Variants in ABCC6 observed in about 807,000 individuals in gnomAD.
The protein encoded by ABCC6 is ATP-binding cassette sub-family C member 6.
A neutral mutation model predicts 169.5 loss-of-function variants in ABCC6; 126 were observed. That is an observed-to-expected ratio of 0.74 (90% CI 0.64 to 0.86). ABCC6 has a LOEUF of 0.86. Ranked by LOEUF, ABCC6 falls within the 40% of genes least tolerant of loss-of-function variation. The pLI is 0.00. For synonymous variants in ABCC6, 752 were observed against 814.7 expected (o/e 0.92, Z 1.31); for missense variants, 1,733 against 1,927.2 (o/e 0.90, Z 1.89).
intron 27 of ABCC6, chr16:16,155,418 A>T (rs1345815408): frequency 3.4e-6 from 1 of 294,800 alleles, no homozygotes; most frequent in African/African-American, 2.2e-5. Flanking sequence ...CCTGCCATCC[A>T]TCCATCCATC....
rs1437867751 is a variant in ABCC6 at position 16,182,461 on chromosome 16, G to A, written c.2198C>T (p.Pro733Leu). Residue 733 changes from proline (P) to leucine (L), a missense_variant, in exon 17 of 31, where the codon CCA (proline) becomes CTA (leucine). Transcript: ENST00000205557. The part of the protein sequence containing the change: ...ERVLEACALQ[P>L]DVDSFPEGIH... ...TCCCTCAGGGAAGCTGTCCACATCT[G>A]GCTGCAGGGCACAGGCTTCTAGTAC... The A allele has an allele frequency of 1.2e-6, 2 of 1,614,138 alleles. No individual in the cohort carries two copies. Among genetic ancestry groups the A allele is most frequent in the Non-Finnish European group, 1.7e-6 (2 of 1,180,036 alleles).
At chr16:16,182,341 G>A in intron 17 of ABCC6, 71 bp downstream of exon 17, 1 of 1,575,758 alleles carries the variant, frequency 6.3e-7, no homozygotes, top group Non-Finnish European at 8.7e-7. Context: ...TACTGCCCAT[G>A]ATGAGTCGGG....
intron 22 of ABCC6, among the ~76,000 whole-genome samples, chr16:16,167,721 G>A (rs1596618450): frequency 6.6e-6 from 1 of 152,124 alleles, no homozygotes; most frequent in East Asian, 1.9e-4. Context: ...CACCCGCCTC[G>A]GCCTCCCAAA....
Position 16,150,019 on chromosome 16 carries a change from C to A in ABCC6, c.*114G>T. 1 of 1,485,486 alleles carries A rather than the reference C, an allele frequency of 6.7e-7. No individual in the cohort carries two copies. Among genetic ancestry groups the A allele is most frequent in the Non-Finnish European group, 9.2e-7 (1 of 1,087,748 alleles). 92.0% of individuals were successfully genotyped at this position (1,485,486 alleles called of 1,614,324 possible). ...TGCCATTTTCCTCCCAGAGAGCAAACACAGGTCTAGACTCAATATCGTGTG... is the reference window on the plus strand; with the variant it reads ...TGCCATTTTCCTCCCAGAGAGCAAAAACAGGTCTAGACTCAATATCGTGTG... On this transcript the variant is annotated 3_prime_UTR_variant, in exon 31 of 31. Coordinates refer to ENST00000205557, the MANE Select transcript of ABCC6 (RefSeq NM_001171.6).
chr16:16,204,388 A>G (rs2048330645), intron 7 of ABCC6, among the ~76,000 whole-genome samples: 1 of 152,084 alleles, frequency 6.6e-6, no homozygotes, highest in Non-Finnish European at 1.5e-5. Flanking sequence ...CGTGTTGTCA[A>G]CCTGGAGGAA....
Position 16,149,929 on chromosome 16 carries a change from G to C in ABCC6, c.*204C>G. 1 of 746,146 alleles carries C rather than the reference G, an allele frequency of 1.3e-6. No individual in the cohort carries two copies. The highest frequency in any genetic ancestry group is 1.7e-5 in the South Asian group (1 of 59,864). The allele number at this position is 746,146 out of a possible 1,614,324, so 46.2% of individuals were successfully genotyped here. ...GGACAGGGCGAGATGGGCCCTGCCC[G>C]GGCAGACCTGTGTATTGCTAGGTCC... On this transcript the variant is annotated 3_prime_UTR_variant, in exon 31 of 31. Coordinates refer to ENST00000205557, the MANE Select transcript of ABCC6 (RefSeq NM_001171.6).
At chr16:16,166,274 C>T (rs975792388) in intron 22 of ABCC6, among the ~76,000 whole-genome samples, 3 of 152,032 alleles carry the variant, frequency 2.0e-5, no homozygotes, top group African/African-American at 7.2e-5. Flanking sequence ...GTCTCGAACT[C>T]CTGGGATCAA....
intron 6 of ABCC6, among the ~76,000 whole-genome samples, chr16:16,209,221 T>G (rs1352459007): frequency 6.6e-6 from 1 of 151,948 alleles, no homozygotes; most frequent in African/African-American, 2.4e-5. Flanking sequence ...GTAGCTGGGA[T>G]TACAGGCACC....
At position 16,190,485 on chromosome 16, in the gene ABCC6, G is replaced by A; in HGVS notation, c.1432-118C>T. 16 of 1,130,568 alleles carry A rather than the reference G, an allele frequency of 1.4e-5. 1 individual carries two copies. The highest frequency in any genetic ancestry group is 9.1e-5 in the South Asian group (7 of 77,026). The allele number at this position is 1,130,568 out of a possible 1,614,324, so 70.0% of individuals were successfully genotyped here. ...TCTCACCAAACTGCGTCCCAAACCT[G>A]TCTGCCTCTCAGCACCTCTGACCCT... On this transcript the variant is annotated intron_variant, in intron 11 of 30. Transcript: ENST00000205557.
At chr16:16,163,267 C>A in intron 23 of ABCC6, 75 bp from the exon 24 acceptor site, 2 of 1,414,376 alleles carry the variant, frequency 1.4e-6, no homozygotes, top group South Asian at 2.4e-5. Flanking sequence ...GCACAGAGAG[C>A]CCCAAGTACA....
intron 17 of ABCC6, among the ~76,000 whole-genome samples, chr16:16,179,403 A>C (rs1290647404): frequency 1.3e-5 from 2 of 152,080 alleles, no homozygotes; most frequent in Non-Finnish European, 2.9e-5. Flanking sequence ...TAACTATTCG[A>C]GGGGCACAAG....
In ABCC6 at chr16:16,163,176, C is replaced by T; in HGVS notation, c.3323G>A (p.Ser1108Asn). The T allele has an allele frequency of 6.2e-7, 1 of 1,613,496 alleles. No homozygotes were observed. Among genetic ancestry groups the T allele is most frequent in the Non-Finnish European group, 8.5e-7 (1 of 1,180,016 alleles). The change falls in exon 24 of 31, where the codon AGC (serine) becomes AAC (asparagine). Residue 1108 changes from serine to asparagine, a missense_variant. Ser to Asn is a conservative substitution (Grantham distance 46, BLOSUM62 1). Transcript: ENST00000205557. ...YAGFQSLYVV[S>N]SCQLRRLESA... ...CTCCAAGCGTCTCAGCTGGCATGAG[C>T]TAACCACATACAGGCTCTGAGAAGG... is the stretch of plus-strand genomic sequence containing the variant.
At chr16:16,191,686 CTCA>C (rs2047861052) in intron 11 of ABCC6, among the ~76,000 whole-genome samples, 1 of 147,328 alleles carries the variant, frequency 6.8e-6, no homozygotes, top group Non-Finnish European at 1.5e-5. Flanking sequence ...CCTTCTCTCC[CTCA>C]TTCCTTCTCT....
rs886372891 is a variant in ABCC6, at chr16:16,167,095, C to T, written c.2996-1162G>A. Among the ~76,000 whole-genome samples the T allele has an allele frequency of 2.4e-4, 37 of 152,202 alleles. 1 individual carries two copies. The highest frequency in any genetic ancestry group is 1.0e-4 in the Non-Finnish European group (7 of 68,040). On this transcript the variant is annotated intron_variant, in intron 22 of 30. Transcript: ENST00000205557. ...GCACATCCTTCCTCCCAGTGCTAATCTGTATGCCTGGGGTGGGGCTAACTT... is the reference window on the plus strand; with the variant it reads ...GCACATCCTTCCTCCCAGTGCTAATTTGTATGCCTGGGGTGGGGCTAACTT...
At chr16:16,183,077 T>A in intron 15 of ABCC6, 147 bp from the exon 16 acceptor site, 1 of 1,279,166 alleles carries the variant, frequency 7.8e-7, no homozygotes, top group Non-Finnish European at 1.1e-6. Flanking sequence ...AGTCCTTGTC[T>A]AGCTATTTGA....
At chr16:16,186,897 T>C (rs2047668770) in intron 14 of ABCC6, among the ~76,000 whole-genome samples, 3 of 151,982 alleles carry the variant, frequency 2.0e-5, no homozygotes, top group African/African-American at 7.3e-5. Flanking sequence ...ACACCCAGGA[T>C]GGTACAAAGT....
At position 16,208,722 on chromosome 16, in the gene ABCC6, A is replaced by T. The variant is rs1413362277; in HGVS notation, c.794+6T>A. 1 of 1,613,218 alleles carries T rather than the reference A, an allele frequency of 6.2e-7. No individual in the cohort carries two copies. Among genetic ancestry groups the T allele is most frequent in the African/African-American group, 1.3e-5 (1 of 74,816 alleles). On this transcript the variant is annotated splice_donor_region_variant and intron_variant, in intron 7 of 30. Transcript: ENST00000205557. Reference sequence around the variant, plus strand: ...TCAGGTGAGTTCTTGACCTCCACCCACTTACCTCCGGGCTGCACTGCGGTT... The same window carrying T: ...TCAGGTGAGTTCTTGACCTCCACCCTCTTACCTCCGGGCTGCACTGCGGTT...
intron 12 of ABCC6, among the ~76,000 whole-genome samples, chr16:16,189,619 T>C (rs765885569): frequency 6.6e-6 from 1 of 152,154 alleles, no homozygotes. Flanking sequence ...GGTTTCGCCA[T>C]GTTGGCCAGG....
Position 16,187,247 on chromosome 16 carries a change from A to T in ABCC6, c.1780-36T>A, listed in dbSNP as rs201049560. The T allele has an allele frequency of 1.2e-3, 1,876 of 1,576,642 alleles. No individual in the cohort carries two copies. The highest frequency in any genetic ancestry group is 1.5e-3 in the Non-Finnish European group (1,742 of 1,153,026). On this transcript the variant is annotated intron_variant, in intron 13 of 30. Coordinates refer to ENST00000205557, the MANE Select transcript of ABCC6 (RefSeq NM_001171.6). ...CGAAGCCGCAGGTCACCCAGCAAGA[A>T]GAGCAAAGAACTCAGGTTTTGGGTG... is the stretch of plus-strand genomic sequence containing the variant.
Sources: allele counts gnomAD v4.1 joint callset (sites outside exome capture counted in the v4.1 genomes callset), GRCh38; gene constraint gnomAD v4.1.1; transcripts MANE v1.5; gene names NCBI Gene and HGNC (gene_info 2026-07-23, HGNC 2026-07-21).